TANC2: variants seen among roughly 807,000 people sequenced by gnomAD.
The protein encoded by TANC2 is tetratricopeptide repeat, ankyrin repeat and coiled-coil containing 2, also known as protein TANC2.
Under a neutral mutation model 210.5 loss-of-function variants are expected in TANC2, and 26 were observed. That is an observed-to-expected ratio of 0.12 (90% CI 0.09 to 0.17). The LOEUF (loss-of-function observed/expected upper bound fraction) is 0.17, where lower values mean the gene tolerates loss of function less well. Among genes scored for constraint, TANC2 ranks in the 10% least tolerant of loss-of-function variants. TANC2 has a pLI of 1.00. For synonymous variants in TANC2, 931 were observed against 967.1 expected (o/e 0.96, Z 0.69); for missense variants, 2,129 against 2,608.9 (o/e 0.82, Z 4.01).
rs546892548 is a variant in TANC2 at position 63,029,389 on chromosome 17, G to A, written c.67+19763G>A. Among the ~76,000 whole-genome samples, 92 of 152,042 alleles carry A rather than the reference G, an allele frequency of 6.1e-4. No homozygotes were observed. In the South Asian group the frequency reaches 0.011, roughly 18 times the overall value. On this transcript the variant is annotated intron_variant, in intron 2 of 27. Coordinates refer to ENST00000689528, the Ensembl canonical transcript of TANC2. ...ATCTCTTATCCATTTTGTATCCTTG[G>A]TCTATAGCATAATGTTTTATAATAC...
chr17:63,148,893 A>G (rs993954475), intron 4 of TANC2: 1 of 152,174 alleles, frequency 6.6e-6, no homozygotes, highest in Non-Finnish European at 1.5e-5. Context: ...AACTTATCAT[A>G]TCTGTGATTG....
At position 63,142,365 on chromosome 17, in the gene TANC2, A is replaced by G. The variant is rs185290429; in HGVS notation, c.323-8905A>G. 2.6e-3 allele frequency among the ~76,000 whole-genome samples: 393 copies of G among 152,256 alleles called. 1 individual carries two copies. Among genetic ancestry groups the G allele is most frequent in the Non-Finnish European group, 4.2e-3 (283 of 68,006 alleles). On this transcript the variant is annotated intron_variant, in intron 4 of 27. Coordinates refer to ENST00000689528, the Ensembl canonical transcript of TANC2. ...TCTGTGAATTTGCCCATTTCATCTA[A>G]GTTATCAAATTTGTTGGCTTAAAGT...
intron 2 of TANC2, among the ~76,000 whole-genome samples, chr17:63,017,129 A>G (rs962561497): frequency 2.0e-5 from 3 of 152,140 alleles, no homozygotes; most frequent in African/African-American, 7.2e-5. Context: ...AAGGGTCCAA[A>G]TTCATTCTTT....
intron 1 of TANC2, among the ~76,000 whole-genome samples, chr17:62,969,589 G>C (rs2031569148): frequency 6.6e-6 from 1 of 152,220 alleles, no homozygotes; most frequent in South Asian, 2.1e-4. Flanking sequence ...ATTATGCGTA[G>C]AGGAGTATTA....
intron 1 of TANC2, among the ~76,000 whole-genome samples, chr17:62,988,526 T>A (rs2032694453): frequency 1.3e-5 from 2 of 152,100 alleles, no homozygotes; most frequent in African/African-American, 4.8e-5. Context: ...TCTCTGATTG[T>A]TTGTTGGGAT....
chr17:63,417,743 G>A (rs1343630308), intron 26 of TANC2, among the ~76,000 whole-genome samples: 1 of 152,056 alleles, frequency 6.6e-6, no homozygotes, highest in East Asian at 1.9e-4. Context: ...ATACACTTGG[G>A]GGTTATGAAG....
In TANC2 at chr17:63,045,607, A is replaced by G. The variant is rs180804682; in HGVS notation, c.68-28336A>G. ...ATTGTTTTGGTAAGGGGATTATGGT[A>G]TGAGAAAAGGGTCTAATCTTTTTTT... On this transcript the variant is annotated intron_variant, in intron 2 of 27. Coordinates refer to ENST00000689528, the Ensembl canonical transcript of TANC2. Among the ~76,000 whole-genome samples, 143 of 152,124 alleles carry G rather than the reference A, an allele frequency of 9.4e-4. 1 individual carries two copies. Among genetic ancestry groups the G allele is most frequent in the African/African-American group, 3.3e-3 (135 of 41,508 alleles).
chr17:63,163,051 T>A (rs1452184007), intron 5 of TANC2, among the ~76,000 whole-genome samples: 1 of 150,274 alleles, frequency 6.7e-6, no homozygotes, highest in African/African-American at 2.5e-5. Context: ...ATCAAGGGAG[T>A]TGAGGGTATT....
intron 4 of TANC2, among the ~76,000 whole-genome samples, chr17:63,144,399 G>A (rs1029756918): frequency 5.3e-5 from 8 of 152,092 alleles, no homozygotes; most frequent in Non-Finnish European, 1.0e-4. Context: ...CTGCATACAT[G>A]TTATATTTCC....
At chr17:62,977,342 T>C (rs2032064571) in intron 1 of TANC2, among the ~76,000 whole-genome samples, 1 of 152,228 alleles carries the variant, frequency 6.6e-6, no homozygotes, top group African/African-American at 2.4e-5. Flanking sequence ...TCCTGATCTT[T>C]ATAAACTGAT....
chr17:63,089,624 T>A (rs1399239149), intron 3 of TANC2, among the ~76,000 whole-genome samples: 5 of 152,194 alleles, frequency 3.3e-5, no homozygotes, highest in African/African-American at 1.2e-4. Flanking sequence ...TTAATTTTTT[T>A]TAATATTTAA....
At chr17:63,276,584 A>G (rs2043881747) in intron 9 of TANC2, among the ~76,000 whole-genome samples, 1 of 151,714 alleles carries the variant, frequency 6.6e-6, no homozygotes, top group African/African-American at 2.4e-5. Flanking sequence ...TTCTCAACAA[A>G]TGTTTTCCCA....
chr17:63,280,069 A>C (rs1415619991), intron 9 of TANC2, among the ~76,000 whole-genome samples: 1 of 152,130 alleles, frequency 6.6e-6, no homozygotes, highest in Non-Finnish European at 1.5e-5. Flanking sequence ...TGATTCACGT[A>C]AAGCTTTTTT....
chr17:63,197,006 C>A (rs2041367035), intron 6 of TANC2, among the ~76,000 whole-genome samples: 1 of 152,026 alleles, frequency 6.6e-6, no homozygotes, highest in Admixed American at 6.6e-5. Context: ...AATAATAACA[C>A]CTGACAGGGT....
chr17:63,286,916 GTGTTTGTTTGTT>G (rs573499946), intron 9 of TANC2, among the ~76,000 whole-genome samples: 1 of 151,980 alleles, frequency 6.6e-6, no homozygotes, highest in Non-Finnish European at 1.5e-5. Context: ...GGGTGTGTGT[GTGTTTGTTTGTT>G]TGTTAGTTTT....
At chr17:63,355,205 G>A (rs1244116403) in exon 14 of TANC2, 1 of 1,613,584 alleles carries the variant, frequency 6.2e-7, no homozygotes, top group African/African-American at 1.3e-5. Flanking sequence ...ATATCTTCCA[G>A]GCCATCAATG....
At chr17:63,379,671 T>C (rs1168255596) in intron 14 of TANC2, 47 bp from the exon 15 acceptor site, 2 of 1,443,572 alleles carry the variant, frequency 1.4e-6, no homozygotes, top group East Asian at 2.5e-5. Context: ...TCCATCTCAA[T>C]AAATAAATAA....
In TANC2 at chr17:63,299,389, A is replaced by G. The variant is rs186846977; in HGVS notation, c.1160-14999A>G. Among the ~76,000 whole-genome samples the G allele has an allele frequency of 4.4e-4, 67 of 152,240 alleles. 1 individual carries two copies. The East Asian group carries it at 0.011, about 24-fold the overall frequency. Reference sequence around the variant, plus strand: ...TTTTAACTAATTTATATTCCCACCAACAGTGTAAAAGCGTTCCTTTTTCTC... The same window carrying G: ...TTTTAACTAATTTATATTCCCACCAGCAGTGTAAAAGCGTTCCTTTTTCTC... On this transcript the variant is annotated intron_variant, in intron 9 of 27. Coordinates refer to ENST00000689528, the Ensembl canonical transcript of TANC2.
In TANC2 at chr17:62,966,667, G is replaced by T. The variant is rs941162504; in HGVS notation, c.-106G>T. ...AGGTGCTCCGGGAATCGCGGGCGGC[G>T]CCGGCGGGCGGCGCGGTCCTCACAG... On this transcript the variant is annotated 5_prime_UTR_variant, in exon 1 of 28. Transcript: ENST00000689528. The surrounding 1 kb of genome is among the most constrained non-coding windows in gnomAD (Gnocchi z 5.1). 6.6e-6 allele frequency: 1 copy of T among 152,268 alleles called. No homozygotes were observed. The highest frequency in any genetic ancestry group is 1.9e-4 in the East Asian group (1 of 5,156). 9.4% of individuals were successfully genotyped at this position (152,268 alleles called of 1,614,324 possible).
Sources: gnomAD v4.1 joint callset for allele counts (sites outside exome capture counted in the v4.1 genomes callset) on GRCh38, gnomAD v4.1.1 for gene constraint, Gnocchi (gnomAD v3.1) non-coding constraint, MANE v1.5 for transcripts, NCBI Gene and HGNC (gene_info 2026-07-23, HGNC 2026-07-21) for gene names.